SAMD5: variants seen among roughly 807,000 people sequenced by gnomAD.
The protein encoded by SAMD5 is sterile alpha motif domain-containing protein 5.
In SAMD5, 13 loss-of-function variants were observed where a neutral mutation model predicts 11.3. That is an observed-to-expected ratio of 1.15 (90% CI 0.75 to 1.83). The LOEUF is 1.83. SAMD5 is among the 40% of genes most tolerant of loss of function. The pLI is 0.00. For synonymous variants in SAMD5, 129 were observed against 111.3 expected (o/e 1.16, Z -1.00); for missense variants, 255 against 239.1 (o/e 1.07, Z -0.44).
chr6:147,574,905 G>A (rs1184716298), downstream of SAMD5, among the ~76,000 whole-genome samples: 2 of 152,160 alleles, frequency 1.3e-5, no homozygotes, highest in African/African-American at 2.4e-5. Context: ...GTAGCATTCT[G>A]TGTCAGATAT....
rs1170467264 is a variant in SAMD5 at position 147,562,346 on chromosome 6, C to T, written c.460-2048C>T. On this transcript the variant is annotated intron_variant, in intron 1 of 1. Coordinates refer to ENST00000367474, the MANE Select transcript of SAMD5 (RefSeq NM_001030060.3). ...AATGTCTTCAAGAAAAGCGGACTCC[C>T]TCTGTGGCCTTTTCTTCTCTTGGAA... is the stretch of plus-strand genomic sequence containing the variant. Among the ~76,000 whole-genome samples the T allele has an allele frequency of 2.0e-5, 3 of 152,184 alleles. 1 individual carries two copies. Among genetic ancestry groups the T allele is most frequent in the Admixed American group, 2.0e-4 (3 of 15,282 alleles).
the SAMD5 span, among the ~76,000 whole-genome samples, chr6:147,847,225 T>A: frequency 6.6e-6 from 1 of 152,116 alleles, no homozygotes; most frequent in African/African-American, 2.4e-5. Context: ...ATTAAGCAGG[T>A]TTCTGTATAA....
intron 1 of SAMD5, among the ~76,000 whole-genome samples, chr6:147,695,582 C>T (rs1369571629): frequency 2.0e-5 from 3 of 152,148 alleles, no homozygotes; most frequent in Non-Finnish European, 4.4e-5. Flanking sequence ...TGCATTATCT[C>T]TTTAAAAAAC....
At chr6:147,844,867 G>A in the SAMD5 span, among the ~76,000 whole-genome samples, 2 of 152,098 alleles carry the variant, frequency 1.3e-5, no homozygotes, top group Non-Finnish European at 2.9e-5. Context: ...ATGGGGAAAG[G>A]GAAGATGTTG....
intron 1 of SAMD5, among the ~76,000 whole-genome samples, chr6:147,521,393 A>C (rs1177551500): frequency 1.3e-5 from 2 of 152,094 alleles, no homozygotes; most frequent in African/African-American, 4.8e-5. Flanking sequence ...CAAACATAAG[A>C]ATGTAACTTA....
At chr6:147,538,155 T>G (rs1005090420) in intron 1 of SAMD5, among the ~76,000 whole-genome samples, 3 of 152,194 alleles carry the variant, frequency 2.0e-5, no homozygotes, top group African/African-American at 7.2e-5. Flanking sequence ...GGGCCCAGAT[T>G]CTGGCCCCAT....
the SAMD5 span, among the ~76,000 whole-genome samples, chr6:147,760,098 T>A: frequency 2.0e-5 from 3 of 152,100 alleles, no homozygotes; most frequent in Non-Finnish European, 1.5e-5. Flanking sequence ...ATAAAAAGGA[T>A]CTAGTGTGGA....
At chr6:147,618,452 C>T (rs1187183356) in intron 1 of SAMD5, among the ~76,000 whole-genome samples, 2 of 152,122 alleles carry the variant, frequency 1.3e-5, no homozygotes, top group Non-Finnish European at 2.9e-5. Flanking sequence ...CTGATTGGAG[C>T]CTGGGGCATC....
the SAMD5 span, among the ~76,000 whole-genome samples, chr6:147,904,437 C>A: frequency 1.3e-5 from 2 of 152,192 alleles, no homozygotes; most frequent in African/African-American, 4.8e-5. Context: ...CTCTGACGAA[C>A]TTCATGGAAC....
rs1791390954 is a variant in SAMD5 at position 147,711,043 on chromosome 6, T to G, written c.163-26274T>G. ...GAAATAAGGAAGGAGGGAAGGAAAATGAAAGAAGGAAGGAAAAGAAGGAAG... is the reference window on the plus strand; with the variant it reads ...GAAATAAGGAAGGAGGGAAGGAAAAGGAAAGAAGGAAGGAAAAGAAGGAAG... On this transcript the variant is annotated intron_variant, in intron 1 of 1. Transcript: ENST00000566741. This position sits in a 1 kb window ranked among gnomAD's most constrained non-coding sequence, Gnocchi z 4.1. 6.4e-5 allele frequency among the ~76,000 whole-genome samples: 8 copies of G among 125,942 alleles called. No individual in the cohort carries two copies. The highest frequency in any genetic ancestry group is 1.5e-4 in the African/African-American group (5 of 33,112). 82.6% of individuals were successfully genotyped at this position (125,942 alleles called of 152,430 possible).
the SAMD5 span, among the ~76,000 whole-genome samples, chr6:147,891,234 A>G: frequency 1.3e-5 from 2 of 152,254 alleles, no homozygotes; most frequent in Non-Finnish European, 2.9e-5. Context: ...CATAGTCTAC[A>G]TAACTTCTGT....
chr6:147,663,629 A>C (rs959606453), intron 1 of SAMD5, among the ~76,000 whole-genome samples: 20 of 151,724 alleles, frequency 1.3e-4, no homozygotes, highest in African/African-American at 4.8e-4. Context: ...CTACTAAAAA[A>C]AAAAATACAA....
At chr6:147,630,968 G>A (rs570656763) in intron 1 of SAMD5, among the ~76,000 whole-genome samples, 1 of 152,310 alleles carries the variant, frequency 6.6e-6, no homozygotes, top group South Asian at 2.1e-4. Flanking sequence ...TGTTTCAGAG[G>A]TGTCTGATCA....
rs141340592 is a variant in SAMD5, at chr6:147,568,537, C to G, written c.*4081C>G. On this transcript the variant is annotated 3_prime_UTR_variant, in exon 2 of 2. Transcript: ENST00000367474. Reference sequence around the variant, plus strand: ...GAAAATAAGAGAAATAAGTGAAAGTCTGACCCTACATTGCCAATTCTCAGA... The same window carrying G: ...GAAAATAAGAGAAATAAGTGAAAGTGTGACCCTACATTGCCAATTCTCAGA... 5.4e-5 allele frequency: 53 copies of G among 985,342 alleles called. No homozygotes were observed. Among genetic ancestry groups the G allele is most frequent in the Admixed American group, 6.1e-5 (1 of 16,284 alleles). 61.0% of individuals were successfully genotyped at this position (985,342 alleles called of 1,614,324 possible).
At chr6:147,602,667 C>G (rs577671896) in intron 1 of SAMD5, among the ~76,000 whole-genome samples, 1 of 152,230 alleles carries the variant, frequency 6.6e-6, no homozygotes, top group Non-Finnish European at 1.5e-5. Context: ...TCGCTTGAAC[C>G]TGGGAGGCGG....
At chr6:147,689,186 G>T (rs1791064305) in intron 1 of SAMD5, among the ~76,000 whole-genome samples, 1 of 152,108 alleles carries the variant, frequency 6.6e-6, no homozygotes, top group African/African-American at 2.4e-5. Context: ...TCCATTCATG[G>T]GCCAGTAAGA....
At chr6:147,542,995 C>T (rs1028112882) in intron 1 of SAMD5, among the ~76,000 whole-genome samples, 5 of 152,192 alleles carry the variant, frequency 3.3e-5, no homozygotes, top group African/African-American at 1.2e-4. Flanking sequence ...CTTTCACTAT[C>T]TCAGTTATAA....
chr6:147,607,873 G>A (rs1789725604), intron 1 of SAMD5, among the ~76,000 whole-genome samples: 1 of 152,100 alleles, frequency 6.6e-6, no homozygotes, highest in South Asian at 2.1e-4. Context: ...AATATTATTT[G>A]CAAACTACCC....
At chr6:147,555,702 A>C (rs1788844521) in intron 1 of SAMD5, among the ~76,000 whole-genome samples, 1 of 152,238 alleles carries the variant, frequency 6.6e-6, no homozygotes, top group African/African-American at 2.4e-5. Flanking sequence ...GTCAATCAAA[A>C]GTTGAAGATT....
Sources: allele counts gnomAD v4.1 joint callset (sites outside exome capture counted in the v4.1 genomes callset), GRCh38; gene constraint gnomAD v4.1.1; non-coding constraint Gnocchi (gnomAD v3.1); transcripts MANE v1.5; gene names NCBI Gene and HGNC (gene_info 2026-07-23, HGNC 2026-07-21).